UGT2B4: variants seen among roughly 807,000 people sequenced by gnomAD.
UGT2B4 encodes UDP glucuronosyltransferase family 2 member B4.
UGT2B4 carries 49 observed loss-of-function variants against 49.8 expected under a neutral mutation model. The ratio of observed to expected loss-of-function variants is 0.98; its 90% CI spans 0.78 to 1.25. The LOEUF (loss-of-function observed/expected upper bound fraction) is 1.25. UGT2B4 is among the 50% of genes most tolerant of loss of function. UGT2B4 has a pLI of 0.00. For missense variants in UGT2B4, 729 were observed against 627.7 expected (o/e 1.16, Z -1.73); for synonymous variants, 246 against 217.7 (o/e 1.13, Z -1.14).
chr4:69,480,766 C>A lies in UGT2B4; in HGVS notation c.1455G>T (p.Trp485Cys), dbSNP rs1267182795. ...HLRVAAHDLT[W>C]FQYHSLDVTG... ...TCACATCCAAAGAGTGGTACTGGAA[C>A]CAGGTGAGGTCGTGGGCTGCAACCC... is the stretch of plus-strand genomic sequence containing the variant. Residue 485 changes from tryptophan (W) to cysteine (C), a missense_variant, in exon 6 of 6, where the codon TGG (tryptophan) becomes TGT (cysteine). Physicochemically the swap from Trp to Cys is radical, Grantham distance 215. Coordinates refer to ENST00000305107, the MANE Select transcript of UGT2B4 (RefSeq NM_021139.3). 6.2e-7 allele frequency: 1 copy of A among 1,613,928 alleles called. No homozygotes were observed. Among genetic ancestry groups the A allele is most frequent in the Admixed American group, 1.7e-5 (1 of 59,996 alleles).
intron 5 of UGT2B4, among the ~76,000 whole-genome samples, chr4:69,482,111 C>T (rs953052505): frequency 1.1e-4 from 16 of 152,148 alleles, no homozygotes; most frequent in African/African-American, 3.9e-4. Flanking sequence ...TAGCATCTTA[C>T]ACATTGCGTC....
Position 69,480,505 on chromosome 4 carries a change from G to T in UGT2B4, c.*129C>A. The T allele has an allele frequency of 7.0e-7, 1 of 1,429,576 alleles. No individual in the cohort carries two copies. The highest frequency in any genetic ancestry group is 9.4e-7 in the Non-Finnish European group (1 of 1,067,458). The allele number at this position is 1,429,576 out of a possible 1,614,324, so 88.6% of individuals were successfully genotyped here. A position where few individuals can be genotyped will look rare whatever the true frequency, so the allele number is the denominator to read the frequency against. On this transcript the variant is annotated 3_prime_UTR_variant, in exon 6 of 6. Transcript: ENST00000305107. The stretch of plus-strand genomic sequence containing the variant: ...CAGGTACTAAAACAAATTTTGACTT[G>T]ACAAGGTAAGTTTTGAAAGATGTTT...
chr4:69,518,593 T>C (rs1001451438), intron 1 of UGT2B4, among the ~76,000 whole-genome samples: 4 of 152,200 alleles, frequency 2.6e-5, no homozygotes, highest in African/African-American at 7.2e-5. Flanking sequence ...AGCAACTGTC[T>C]AGAACTTGGA....
intron 1 of UGT2B4, among the ~76,000 whole-genome samples, chr4:69,520,495 C>G (rs962399994): frequency 2.0e-5 from 3 of 152,208 alleles, no homozygotes; most frequent in African/African-American, 7.2e-5. Flanking sequence ...TCCCTGTATT[C>G]ATGGGGGTTC....
chr4:69,506,574 TAATA>T (rs903621908), intron 1 of UGT2B4, among the ~76,000 whole-genome samples: 2 of 152,152 alleles, frequency 1.3e-5, no homozygotes, highest in Non-Finnish European at 2.9e-5. Flanking sequence ...ATTGAAGCTG[TAATA>T]AATAGCCTAC....
At chr4:69,484,481 G>A (rs1183128798) in intron 5 of UGT2B4, among the ~76,000 whole-genome samples, 1 of 151,644 alleles carries the variant, frequency 6.6e-6, no homozygotes, top group Non-Finnish European at 1.5e-5. Context: ...TATAAATAAA[G>A]CTAAAAACCA....
At chr4:69,482,929 T>A (rs907174241) in intron 5 of UGT2B4, among the ~76,000 whole-genome samples, 1 of 152,138 alleles carries the variant, frequency 6.6e-6, no homozygotes, top group Non-Finnish European at 1.5e-5. Context: ...TAGTATTTCA[T>A]TGATTGAGAA....
At chr4:69,500,624 A>AGAAG (rs1332697090), upstream of UGT2B4, among the ~76,000 whole-genome samples, 7 of 132,126 alleles carry the variant, frequency 5.3e-5, no homozygotes, top group Admixed American at 2.3e-4. Flanking sequence ...AAAGAAAGAA[A>AGAAG]GAAAGAAAGA....
chr4:69,512,715 G>C (rs1037712269), intron 1 of UGT2B4, among the ~76,000 whole-genome samples: 1 of 151,688 alleles, frequency 6.6e-6, no homozygotes, highest in African/African-American at 2.4e-5. Context: ...ACCAGCATCT[G>C]TTTTTTTTTT....
chr4:69,522,427 A>G (rs939813464), intron 1 of UGT2B4, among the ~76,000 whole-genome samples: 3 of 152,254 alleles, frequency 2.0e-5, no homozygotes, highest in Non-Finnish European at 4.4e-5. Context: ...TATAGTGAAC[A>G]TTGCAATAAA....
In UGT2B4 at chr4:69,495,276, C is replaced by T. The variant is rs1728116888; in HGVS notation, c.586G>A (p.Val196Ile). The change falls in exon 1 of 6, where the codon GTT becomes ATT. Residue 196 changes from valine to isoleucine, a missense_variant. By Grantham distance (29) the Val-to-Ile change is conservative. Coordinates refer to ENST00000305107, the MANE Select transcript of UGT2B4 (RefSeq NM_021139.3). ...GLLFPPSYVP[V>I]VMSELSDQMT... The stretch of plus-strand genomic sequence containing the variant: ...TGGTCACTTAGTTCTGACATAACAA[C>T]AGGCACATAGGAAGGAGGGAACAGA... 3 of 1,613,328 alleles carry T rather than the reference C, an allele frequency of 1.9e-6. No individual in the cohort carries two copies. In the African/African-American group the frequency reaches 4.0e-5, roughly 22 times the overall value.
At position 69,509,170 on chromosome 4, in the gene UGT2B4, AT is replaced by A. The variant is rs3075675; in HGVS notation, c.-105-13205del. ...GATTGTTAGATCATATGGAATTTCT[AT>A]TTTTTTTTTTTTTTTTTGAGACAGG... On this transcript the variant is annotated intron_variant, in intron 1 of 1. Coordinates refer to the UGT2B4 transcript ENST00000510114. Among the ~76,000 whole-genome samples the A allele has an allele frequency of 9.5e-3, 1,137 of 119,730 alleles. 15 individuals carry two copies. Among genetic ancestry groups the A allele is most frequent in the African/African-American group, 0.033 (1,037 of 31,470 alleles). 78.5% of individuals were successfully genotyped at this position (119,730 alleles called of 152,430 possible).
intron 1 of UGT2B4, among the ~76,000 whole-genome samples, chr4:69,507,583 AAT>A (rs1392457648): frequency 2.0e-5 from 3 of 152,164 alleles, no homozygotes; most frequent in Non-Finnish European, 4.4e-5. Flanking sequence ...GACACAAACA[AAT>A]AGAAAAACAT....
chr4:69,493,370 C>T (rs1201677321), intron 2 of UGT2B4, among the ~76,000 whole-genome samples: 1 of 151,986 alleles, frequency 6.6e-6, no homozygotes, highest in East Asian at 1.9e-4. Context: ...AAACTGTGTC[C>T]CATACACGTA....
chr4:69,494,687 G>A (rs41299988), intron 1 of UGT2B4, among the ~76,000 whole-genome samples: 1 of 152,130 alleles, frequency 6.6e-6, no homozygotes, highest in East Asian at 1.9e-4. Context: ...AGTAACATGG[G>A]TACATATTGC....
chr4:69,496,058 T>C (rs1728154410), upstream of UGT2B4: 2 of 838,214 alleles, frequency 2.4e-6, no homozygotes, highest in South Asian at 7.7e-5. Context: ...CAAGTGCGTT[T>C]AATGTTCTTT....
At chr4:69,511,969 T>C (rs1004556199) in intron 1 of UGT2B4, among the ~76,000 whole-genome samples, 1 of 152,082 alleles carries the variant, frequency 6.6e-6, no homozygotes, top group African/African-American at 2.4e-5. Context: ...TAGGCTCTTA[T>C]AATCTTTTCT....
intron 1 of UGT2B4, among the ~76,000 whole-genome samples, chr4:69,524,390 G>C (rs546845458): frequency 6.6e-6 from 1 of 151,834 alleles, no homozygotes; most frequent in African/African-American, 2.4e-5. Flanking sequence ...CGTTTCTCAG[G>C]AATAGGCCAG....
intron 1 of UGT2B4, among the ~76,000 whole-genome samples, chr4:69,515,675 A>T (rs1447145544): frequency 6.6e-6 from 1 of 152,220 alleles, no homozygotes; most frequent in African/African-American, 2.4e-5. Context: ...TAACTGAAGG[A>T]GATACAGACG....
Sources: gnomAD v4.1 joint callset for allele counts (sites outside exome capture counted in the v4.1 genomes callset) on GRCh38, gnomAD v4.1.1 for gene constraint, MANE v1.5 for transcripts, NCBI Gene and HGNC (gene_info 2026-07-23, HGNC 2026-07-21) for gene names.